DENND4A: variants seen among roughly 807,000 people sequenced by gnomAD.
The protein encoded by DENND4A is DENN domain containing 4A.
In DENND4A, 70 loss-of-function variants were observed where a neutral mutation model predicts 199.3. The ratio of observed to expected loss-of-function variants is 0.35; its 90% confidence interval spans 0.29 to 0.43. The LOEUF (loss-of-function observed/expected upper bound fraction) is 0.43, where lower values mean the gene tolerates loss of function less well. Among genes scored for constraint, DENND4A ranks in the 20% least tolerant of loss-of-function variants. The pLI, the probability that DENND4A is intolerant of heterozygous loss-of-function variation, is 1.00. For missense variants in DENND4A, 1,723 were observed against 2,255.8 expected (o/e 0.76, Z 4.78); for synonymous variants, 686 against 766.9 (o/e 0.89, Z 1.74).
chr15:65,773,343 A>C (rs183120577), intron 1 of DENND4A, among the ~76,000 whole-genome samples: 14 of 152,368 alleles, frequency 9.2e-5, no homozygotes, highest in Non-Finnish European at 1.5e-5. Flanking sequence ...GCACTAAAAC[A>C]CAAAGACAAA....
At position 65,771,434 on chromosome 15, in the gene DENND4A, T is replaced by A; in HGVS notation, c.-101-9996A>T. On this transcript the variant is annotated intron_variant, in intron 1 of 32. Transcript: ENST00000443035. ...GCTGACATAATAAACACCACCCAAGTTTTCTGTCTGCGTTTTAATAGTTTG... is the reference window on the plus strand; with the variant it reads ...GCTGACATAATAAACACCACCCAAGATTTCTGTCTGCGTTTTAATAGTTTG... 2.5e-6 allele frequency: 4 copies of A among 1,596,824 alleles called. No homozygotes were observed. In the South Asian group the frequency reaches 4.4e-5, roughly 18 times the overall value.
chr15:65,732,425 C>T (rs1031284339), intron 8 of DENND4A, among the ~76,000 whole-genome samples: 2 of 152,032 alleles, frequency 1.3e-5, no homozygotes, highest in African/African-American at 2.4e-5. Flanking sequence ...ACACAACTTT[C>T]CCTTAACTTA....
chr15:65,697,240 T>A (rs769151279), intron 21 of DENND4A, 27 bp downstream of exon 21: 3 of 1,355,586 alleles, frequency 2.2e-6, no homozygotes, highest in Non-Finnish European at 3.1e-6. Flanking sequence ...CTCAATTTTA[T>A]ACAATATCAA....
chr15:65,731,322 A>G, intron 9 of DENND4A: 1 of 364,824 alleles, frequency 2.7e-6, no homozygotes, highest in Non-Finnish European at 5.4e-6. Context: ...AATTAATTGC[A>G]TTTGAATGTT....
Position 65,729,571 on chromosome 15 carries a change from G to C in DENND4A, c.1274C>G (p.Pro425Arg). 1 of 1,607,360 alleles carries C rather than the reference G, an allele frequency of 6.2e-7. No homozygotes were observed. The highest frequency in any genetic ancestry group is 8.5e-7 in the Non-Finnish European group (1 of 1,176,564). The change falls in exon 10 of 33, where the codon CCA becomes CGA. Residue 425 changes from proline to arginine, a missense_variant. Around this residue, in one of 6 missense-constraint regions of DENND4A, gnomAD observed 725 missense variants for 952.9 expected, o/e 0.76. Coordinates refer to ENST00000443035, the MANE Select transcript of DENND4A (RefSeq NM_001320835.1). ...TTCTGTCACACTAGTAAGCACGGATGGCCGTAGGGAATGGATAAGAATTTT... is the reference window on the plus strand; with the variant it reads ...TTCTGTCACACTAGTAAGCACGGATCGCCGTAGGGAATGGATAAGAATTTT... The part of the protein sequence containing the change: ...EHKILIHSLR[P>R]SVLTSVTEAL...
intron 15 of DENND4A, among the ~76,000 whole-genome samples, chr15:65,703,718 G>C (rs1319537488): frequency 6.6e-6 from 1 of 152,206 alleles, no homozygotes. Flanking sequence ...TATAATCCCA[G>C]TTACTCAGGA....
intron 23 of DENND4A, among the ~76,000 whole-genome samples, chr15:65,682,944 T>G (rs771414687): frequency 2.8e-4 from 43 of 152,292 alleles, no homozygotes; most frequent in Non-Finnish European, 4.6e-4. Context: ...ATGGGAACAG[T>G]TCATGGTGTC....
At chr15:65,723,949 T>C in intron 11 of DENND4A, among the ~76,000 whole-genome samples, 1 of 152,062 alleles carries the variant, frequency 6.6e-6, no homozygotes, top group East Asian at 1.9e-4. Flanking sequence ...ATTATAGCAA[T>C]TACAACACAG....
At chr15:65,780,398 TAAGAA>T (rs1442009799) in intron 1 of DENND4A, among the ~76,000 whole-genome samples, 3 of 152,172 alleles carry the variant, frequency 2.0e-5, no homozygotes, top group Non-Finnish European at 4.4e-5. Context: ...GTGCTATTAA[TAAGAA>T]AAGTATGCTG....
chr15:65,661,614 T>C lies in DENND4A; in HGVS notation c.*237A>G, dbSNP rs2075846069. 6.2e-6 allele frequency: 2 copies of C among 322,584 alleles called. No individual in the cohort carries two copies. The highest frequency in any genetic ancestry group is 1.1e-5 in the Non-Finnish European group (2 of 178,320). The allele number at this position is 322,584 out of a possible 1,614,324, so 20.0% of individuals were successfully genotyped here. ...ATTTCCTCATCACAAAAATACTTTA[T>C]TTCCTATTACAGGGGAGTTAAAGAA... On this transcript the variant is annotated 3_prime_UTR_variant, in exon 33 of 33. Transcript: ENST00000443035.
intron 7 of DENND4A, among the ~76,000 whole-genome samples, chr15:65,736,226 C>T (rs1017758854): frequency 2.0e-5 from 3 of 151,992 alleles, no homozygotes; most frequent in African/African-American, 7.2e-5. Context: ...GTGAAAGTTC[C>T]ACCCAAAAAG....
chr15:65,690,454 T>C lies in DENND4A; in HGVS notation c.4140A>G (p.Lys1380=). The part of the protein sequence containing the change: ...AGKGVAEKAS[K]WYSRFTMYTT... ...TGTACATGGTGAATCTTGAATACCA[T>C]TTGCTTGCTTTCTCTGCAACTCCTT... The change falls in exon 23 of 33, where the codon AAA becomes AAG. Residue 1380 remains lysine, a synonymous_variant. Transcript: ENST00000443035. 2 of 1,603,564 alleles carry C rather than the reference T, an allele frequency of 1.2e-6. No homozygotes were observed. Among genetic ancestry groups the C allele is most frequent in the Non-Finnish European group, 1.7e-6 (2 of 1,174,738 alleles).
intron 1 of DENND4A, chr15:65,766,694 A>C (rs1035335846): frequency 5.3e-5 from 8 of 152,192 alleles, no homozygotes; most frequent in African/African-American, 1.9e-4. Context: ...TAGGCACACA[A>C]AAGATAAGGA....
chr15:65,687,682 A>T (rs1009584643), intron 23 of DENND4A, among the ~76,000 whole-genome samples: 19 of 152,228 alleles, frequency 1.2e-4, no homozygotes, highest in Non-Finnish European at 2.2e-4. Flanking sequence ...TAAAGGCACC[A>T]TTCCACTAAA....
chr15:65,727,087 G>A (rs1455171656), intron 11 of DENND4A, among the ~76,000 whole-genome samples: 1 of 152,172 alleles, frequency 6.6e-6, no homozygotes, highest in East Asian at 1.9e-4. Flanking sequence ...GCCAAGGGGG[G>A]AGGATCACAT....
chr15:65,776,901 C>A (rs927046271), intron 1 of DENND4A, among the ~76,000 whole-genome samples: 2 of 152,150 alleles, frequency 1.3e-5, no homozygotes, highest in African/African-American at 2.4e-5. Context: ...GGGCTGGGCA[C>A]GGTGGCCTGT....
chr15:65,702,708 T>G (rs74023364), intron 16 of DENND4A, among the ~76,000 whole-genome samples, 165 bp downstream of exon 16: 1,600 of 152,320 alleles, frequency 0.011, 30 homozygotes, highest in African/African-American at 0.037. Context: ...ACAAGAGAAC[T>G]AGTTAATTTC....
intron 23 of DENND4A, among the ~76,000 whole-genome samples, chr15:65,689,664 TGAG>T (rs917948455): frequency 2.6e-5 from 4 of 152,218 alleles, no homozygotes; most frequent in Admixed American, 2.0e-4. Context: ...ATGAAACTTC[TGAG>T]AACTTGATTT....
chr15:65,771,280 A>T, intron 1 of DENND4A: 2 of 1,584,552 alleles, frequency 1.3e-6, no homozygotes, highest in Non-Finnish European at 1.7e-6. Flanking sequence ...CTTTTGCTGC[A>T]TACTGCATAT....
Sources: gnomAD v4.1 joint callset for allele counts (sites outside exome capture counted in the v4.1 genomes callset) on GRCh38, gnomAD v4.1.1 for gene constraint, gnomAD v4.1.1 regional missense constraint, MANE v1.5 for transcripts, NCBI Gene and HGNC (gene_info 2026-07-23, HGNC 2026-07-21) for gene names.